SMG7: variants seen among roughly 807,000 people sequenced by gnomAD.
SMG7 encodes nonsense-mediated mRNA decay factor SMG7.
In SMG7, 34 loss-of-function variants were observed where a neutral mutation model predicts 148.2. The observed-to-expected ratio is 0.23, with a 90% CI of 0.17 to 0.31. The LOEUF (loss-of-function observed/expected upper bound fraction) is 0.31, where lower values mean the gene tolerates loss of function less well. SMG7 is among the 10% of genes least tolerant of loss of function. The probability of loss-of-function intolerance (pLI) is 1.00; values close to 1 mark genes in which losing one functional copy is unlikely to be tolerated. For missense variants in SMG7, 1,114 were observed against 1,408.4 expected (o/e 0.79, Z 3.35); for synonymous variants, 492 against 515.1 (o/e 0.96, Z 0.61).
chr1:183,510,194 G>A (rs191532776), intron 1 of SMG7, among the ~76,000 whole-genome samples: 262 of 152,120 alleles, frequency 1.7e-3, no homozygotes, highest in Admixed American at 3.7e-3. Flanking sequence ...GCAACTCAAG[G>A]ACAAAATGAA....
intron 1 of SMG7, among the ~76,000 whole-genome samples, chr1:183,480,460 G>A (rs971485779): frequency 3.1e-4 from 47 of 152,040 alleles, no homozygotes; most frequent in Admixed American, 2.8e-3. Flanking sequence ...AAGACCTCAC[G>A]GTGGCCAAAT....
chr1:183,506,653 T>TAA (rs80096048), intron 1 of SMG7, among the ~76,000 whole-genome samples: 146 of 138,682 alleles, frequency 1.1e-3, no homozygotes, highest in African/African-American at 2.1e-3. Flanking sequence ...TTAAATTTCT[T>TAA]AAAAAAAAAA....
chr1:183,481,306 A>G (rs530672785), intron 1 of SMG7, among the ~76,000 whole-genome samples: 1 of 152,162 alleles, frequency 6.6e-6, no homozygotes, highest in African/African-American at 2.4e-5. Flanking sequence ...GCCACACTGT[A>G]CTAGCTTAGC....
chr1:183,515,089 T>C (rs1160061962), intron 2 of SMG7, among the ~76,000 whole-genome samples: 4 of 152,226 alleles, frequency 2.6e-5, no homozygotes, highest in Non-Finnish European at 4.4e-5. Flanking sequence ...CAAAGGTTAA[T>C]GTGCCTTGCA....
At chr1:183,551,612 ACTT>A (rs776596733) in intron 22 of SMG7, among the ~76,000 whole-genome samples, 14 of 152,196 alleles carry the variant, frequency 9.2e-5, no homozygotes, top group Non-Finnish European at 1.5e-4. Context: ...ATGTGATTTC[ACTT>A]CTTCTGGTTT....
At chr1:183,493,244 A>C (rs1353015404) in intron 1 of SMG7, among the ~76,000 whole-genome samples, 1 of 152,144 alleles carries the variant, frequency 6.6e-6, no homozygotes, top group Non-Finnish European at 1.5e-5. Flanking sequence ...CAAAGTGTTG[A>C]GATTACAGGT....
rs758206818 is a variant in SMG7, at chr1:183,550,902, G to A, written c.3285G>A (p.Arg1095=). 3.1e-6 allele frequency: 5 copies of A among 1,612,880 alleles called. No individual in the cohort carries two copies. Among genetic ancestry groups the A allele is most frequent in the Non-Finnish European group, 4.2e-6 (5 of 1,179,644 alleles). The change falls in exon 21 of 23, where the codon CGG becomes CGA. Residue 1095 remains arginine (R), a synonymous_variant. Coordinates refer to ENST00000688051, the MANE Select transcript of SMG7 (RefSeq NM_001375584.1). Reference sequence around the variant, plus strand: ...ACAGGGATAGAAGGACTGCAGATCGGTGGAAAACTGATAAGCCAGGTGAGA... The same window carrying A: ...ACAGGGATAGAAGGACTGCAGATCGATGGAAAACTGATAAGCCAGGTGAGA... ...PDNRDRRTAD[R]WKTDKPAMGG...
At chr1:183,518,056 T>C (rs2102486218) in intron 4 of SMG7, among the ~76,000 whole-genome samples, 1 of 152,248 alleles carries the variant, frequency 6.6e-6, no homozygotes, top group East Asian at 1.9e-4. Context: ...GAAGTGATCC[T>C]CTCACCTCAG....
intron 18 of SMG7, among the ~76,000 whole-genome samples, chr1:183,547,564 C>G (rs1572102519): frequency 6.6e-6 from 1 of 152,308 alleles, no homozygotes; most frequent in East Asian, 1.9e-4. Flanking sequence ...GTGACACTTC[C>G]ATCTGGACCC....
rs538200553 is a variant in SMG7, at chr1:183,475,674, C to T, written c.29+3025C>T. Among the ~76,000 whole-genome samples, 15 of 152,192 alleles carry T rather than the reference C, an allele frequency of 9.9e-5. No homozygotes were observed. The South Asian group carries it at 2.1e-3, about 21-fold the overall frequency. ...AAAGATTCCCTTTGGGACTTTGGTC[C>T]TGAATAAGGTACTGGCAGTGGATCT... On this transcript the variant is annotated intron_variant, in intron 1 of 22. Coordinates refer to ENST00000688051, the MANE Select transcript of SMG7 (RefSeq NM_001375584.1).
At chr1:183,534,636 G>A (rs1049543532) in intron 10 of SMG7, among the ~76,000 whole-genome samples, 29 of 151,994 alleles carry the variant, frequency 1.9e-4, no homozygotes, top group Non-Finnish European at 3.8e-4. Context: ...TGAGGCAGGC[G>A]GATCACTTGA....
At chr1:183,480,886 T>C (rs747205465) in intron 1 of SMG7, among the ~76,000 whole-genome samples, 2 of 152,180 alleles carry the variant, frequency 1.3e-5, no homozygotes, top group Non-Finnish European at 2.9e-5. Flanking sequence ...CTACTTTCTG[T>C]GTGGGCTAAC....
chr1:183,545,911 T>C, intron 16 of SMG7, 55 bp from the exon 17 acceptor site: 1 of 1,519,030 alleles, frequency 6.6e-7, no homozygotes, highest in Non-Finnish European at 8.8e-7. Context: ...TTAGCATTCA[T>C]TATAAGTAAT....
At chr1:183,514,231 AAAG>A (rs1164298002) in intron 2 of SMG7, among the ~76,000 whole-genome samples, 1 of 151,794 alleles carries the variant, frequency 6.6e-6, no homozygotes, top group Non-Finnish European at 1.5e-5. Flanking sequence ...AAAAAAAAAA[AAAG>A]AATTAAACAG....
chr1:183,527,501 G>A lies in SMG7; in HGVS notation c.485-455G>A. ...TTGTTTTGCTTTAAATATAATCTTT[G>A]CACACACATATTTAATATTGCAATA... On this transcript the variant is annotated intron_variant, in intron 5 of 22. Coordinates refer to ENST00000688051, the MANE Select transcript of SMG7 (RefSeq NM_001375584.1). The surrounding 1 kb of genome is among the most constrained non-coding windows in gnomAD (Gnocchi z 4.0). 2.5e-6 allele frequency: 1 copy of A among 406,628 alleles called. No individual in the cohort carries two copies. The highest frequency in any genetic ancestry group is 1.9e-5 in the South Asian group (1 of 52,890). The allele number at this position is 406,628 out of a possible 1,614,324, so 25.2% of individuals were successfully genotyped here. A position where few individuals can be genotyped will look rare whatever the true frequency, so the allele number is the denominator to read the frequency against.
At chr1:183,480,438 C>T (rs1653785090) in intron 1 of SMG7, among the ~76,000 whole-genome samples, 1 of 152,030 alleles carries the variant, frequency 6.6e-6, no homozygotes, top group Non-Finnish European at 1.5e-5. Context: ...ATTACCATTT[C>T]CAAAGGTGCC....
chr1:183,548,542 G>C (rs1010214972), intron 18 of SMG7, among the ~76,000 whole-genome samples: 1 of 151,798 alleles, frequency 6.6e-6, no homozygotes, highest in Non-Finnish European at 1.5e-5. Flanking sequence ...AAAAAACTTC[G>C]ACTATAACCC....
intron 18 of SMG7, 36 bp downstream of exon 18, chr1:183,547,288 C>G: frequency 6.5e-7 from 1 of 1,531,032 alleles, no homozygotes; most frequent in South Asian, 1.2e-5. Context: ...CTTGGTCTAA[C>G]CCCCAGCTGC....
chr1:183,493,004 C>G (rs189260704), intron 1 of SMG7, among the ~76,000 whole-genome samples: 6 of 152,238 alleles, frequency 3.9e-5, no homozygotes, highest in African/African-American at 1.4e-4. Flanking sequence ...CGATCTCGCT[C>G]TGTTGCCTAG....
Sources: gnomAD v4.1 joint callset for allele counts (sites outside exome capture counted in the v4.1 genomes callset) on GRCh38, gnomAD v4.1.1 for gene constraint, Gnocchi (gnomAD v3.1) non-coding constraint, MANE v1.5 for transcripts, NCBI Gene and HGNC (gene_info 2026-07-23, HGNC 2026-07-21) for gene names.